Variants in GSN observed in about 807,000 individuals in gnomAD.
GSN encodes the protein gelsolin.
GSN carries 56 observed loss-of-function variants against 85.7 expected under a neutral mutation model. The observed-to-expected ratio is 0.65, with a 90% CI of 0.53 to 0.82. The LOEUF is 0.82. Among genes scored for constraint, GSN ranks in the 40% least tolerant of loss-of-function variants. GSN has a pLI of 0.00. For missense variants in GSN, 857 were observed against 979.8 expected, an observed-to-expected ratio of 0.87 and a Z score of 1.67; for synonymous variants, 373 against 399.1, an observed-to-expected ratio of 0.93 and a Z score of 0.78.
chr9:121,231,440 G>T (rs1453163800), intron 5 of GSN: 2 of 152,164 alleles, frequency 1.3e-5, no homozygotes, highest in African/African-American at 4.8e-5. Flanking sequence ...CTGGGTGAAG[G>T]TAGCGGAGAC....
chr9:121,252,098 T>C (rs2054851101), intron 6 of GSN, among the ~76,000 whole-genome samples: 1 of 152,156 alleles, frequency 6.6e-6, no homozygotes, highest in Non-Finnish European at 1.5e-5. Flanking sequence ...AGGAAGTCAG[T>C]CCCATAGAAC....
At position 121,327,446 on chromosome 9, in the gene GSN, G is replaced by A. The variant is rs1337468572; in HGVS notation, c.1726G>A (p.Ala576Thr). ...GAQELLRVLR[A>T]QPVQVAEGSE... Reference sequence around the variant, plus strand: ...CCAGGAGCTGCTCAGGGTGCTGCGGGCCCAACCTGTGCAGGTGGCAGAAGG... The same window carrying A: ...CCAGGAGCTGCTCAGGGTGCTGCGGACCCAACCTGTGCAGGTGGCAGAAGG... The change falls in exon 14 of 18, where the codon GCC becomes ACC. Residue 576 changes from alanine to threonine, a missense_variant. Transcript: ENST00000432226. 1.0e-5 allele frequency: 16 copies of A among 1,598,008 alleles called. No individual in the cohort carries two copies. The highest frequency in any genetic ancestry group is 1.4e-5 in the Non-Finnish European group (16 of 1,171,822).
intron 6 of GSN, among the ~76,000 whole-genome samples, chr9:121,250,766 C>T (rs1019324972): frequency 1.3e-5 from 2 of 150,880 alleles, no homozygotes; most frequent in Non-Finnish European, 3.0e-5. Flanking sequence ...CTCGAACTCC[C>T]GACCTCATGA....
At position 121,302,099 on chromosome 9, in the gene GSN, C is replaced by T. The variant is rs1472775852; in HGVS notation, c.128C>T (p.Ala43Val). Reference sequence around the variant, plus strand: ...TATGGAGACTTCTTCACGGGCGACGCCTACGTCATCCTGAAGACAGTGCAG... The same window carrying T: ...TATGGAGACTTCTTCACGGGCGACGTCTACGTCATCCTGAAGACAGTGCAG... ...NLYGDFFTGDAYVILKTVQLR... is the reference protein window; with the variant it reads ...NLYGDFFTGDVYVILKTVQLR... The change falls in exon 3 of 18, where the codon GCC (alanine) becomes GTC (valine). Residue 43 changes from alanine (A) to valine (V), a missense_variant. Ala to Val is a moderately conservative substitution (Grantham distance 64). Coordinates refer to ENST00000432226, the MANE Select transcript of GSN (RefSeq NM_198252.3). The T allele has an allele frequency of 6.2e-7, 1 of 1,614,206 alleles. No individual in the cohort carries two copies. Among genetic ancestry groups the T allele is most frequent in the Non-Finnish European group, 8.5e-7 (1 of 1,179,986 alleles).
At chr9:121,217,565 C>T (rs1242740159) in intron 4 of GSN, among the ~76,000 whole-genome samples, 1 of 151,682 alleles carries the variant, frequency 6.6e-6, no homozygotes, top group Non-Finnish European at 1.5e-5. Flanking sequence ...ATCTCCTTTT[C>T]TTATAAAGAT....
At chr9:121,328,853 T>C (rs1373782754) in intron 14 of GSN, 38 bp from the exon 15 acceptor site, 9 of 1,605,624 alleles carry the variant, frequency 5.6e-6, no homozygotes, top group Non-Finnish European at 7.6e-6. Flanking sequence ...AGAGGGGTGA[T>C]GGCGTCCCTT....
At position 121,313,956 on chromosome 9, in the gene GSN, T is replaced by C; in HGVS notation, c.686T>C (p.Leu229Pro). The C allele has an allele frequency of 6.2e-7, 1 of 1,614,180 alleles. No individual in the cohort carries two copies. The highest frequency in any genetic ancestry group is 8.5e-7 in the Non-Finnish European group (1 of 1,179,978). ...MLQVLGPKPA[L>P]PAGTEDTAKE... is the part of the protein sequence containing the mutation. ...CAGGTGCTGGGCCCCAAGCCGGCTC[T>C]GCCTGCAGGTACCGAGGACACCGCC... The change falls in exon 7 of 18, where the codon CTG becomes CCG. Residue 229 changes from leucine (L) to proline (P), a missense_variant. Physicochemically the swap from Leu to Pro is moderately conservative, Grantham distance 98. Coordinates refer to ENST00000432226, the MANE Select transcript of GSN (RefSeq NM_198252.3).
chr9:121,257,912 C>T (rs182937744), intron 6 of GSN, among the ~76,000 whole-genome samples: 95 of 152,170 alleles, frequency 6.2e-4, no homozygotes, highest in Non-Finnish European at 1.0e-3. Context: ...AAGCCAGAGG[C>T]TCAGGAGGTT....
At position 121,299,411 on chromosome 9, in the gene GSN, C is replaced by T. The variant is rs1009158961; in HGVS notation, c.-9-2552C>T. 2.0e-6 allele frequency: 2 copies of T among 978,398 alleles called. No homozygotes were observed. Among genetic ancestry groups the T allele is most frequent in the Non-Finnish European group, 2.4e-6 (2 of 823,608 alleles). The allele number at this position is 978,398 out of a possible 1,614,324, so 60.6% of individuals were successfully genotyped here. ...TGCTTCACCACTCTGCGCTGTTCCC[C>T]CCTCTGTAAAATGGGTTGGCCGTTG... On this transcript the variant is annotated intron_variant, in intron 2 of 17. Coordinates refer to ENST00000432226, the MANE Select transcript of GSN (RefSeq NM_198252.3). The surrounding 1 kb of genome is among the most constrained non-coding windows in gnomAD (Gnocchi z 4.2).
upstream of GSN, among the ~76,000 whole-genome samples, chr9:121,263,440 G>A (rs957400202): frequency 4.6e-5 from 7 of 152,170 alleles, no homozygotes; most frequent in African/African-American, 1.4e-4. Flanking sequence ...CTGAGACTGG[G>A]TAATTTATGA....
At chr9:121,324,744 TC>T in intron 12 of GSN, 100 bp downstream of exon 12, 1 of 703,444 alleles carries the variant, frequency 1.4e-6, no homozygotes, top group Admixed American at 2.0e-5. Context: ...TGTCCATCTG[TC>T]TGTCTGTCCA....
intron 13 of GSN, 96 bp from the exon 14 acceptor site, chr9:121,327,212 C>A: frequency 9.9e-7 from 1 of 1,010,062 alleles, no homozygotes; most frequent in Non-Finnish European, 1.6e-6. Context: ...AAGTCCCCAC[C>A]TGAGAGCTAG....
intron 4 of GSN, among the ~76,000 whole-genome samples, chr9:121,221,609 G>C (rs1167793571): frequency 1.3e-5 from 2 of 152,220 alleles, no homozygotes; most frequent in Non-Finnish European, 2.9e-5. Context: ...CAGGGTTCGA[G>C]TGCTAGAGTG....
At chr9:121,253,341 A>G (rs967900797) in intron 6 of GSN, among the ~76,000 whole-genome samples, 1 of 152,202 alleles carries the variant, frequency 6.6e-6, no homozygotes, top group Non-Finnish European at 1.5e-5. Context: ...TGTTTGTAAC[A>G]GTGGTGCCAT....
At chr9:121,316,589 G>A (rs1029121414) in intron 7 of GSN, among the ~76,000 whole-genome samples, 2 of 152,006 alleles carry the variant, frequency 1.3e-5, no homozygotes, top group African/African-American at 4.8e-5. Flanking sequence ...TCCCACTTCA[G>A]CCTCCCAAGT....
rs192775840 is a variant in GSN, at chr9:121,236,351, C to G, written c.-389+5048C>G. Among the ~76,000 whole-genome samples, 19 of 152,194 alleles carry G rather than the reference C, an allele frequency of 1.2e-4. No homozygotes were observed. The East Asian group carries it at 3.7e-3, about 29-fold the overall frequency. On this transcript the variant is annotated intron_variant, in intron 5 of 24. Coordinates refer to the GSN transcript ENST00000373823. The stretch of plus-strand genomic sequence containing the variant: ...TCTCCTGCCTCAGCCTCCCAAGTAG[C>G]TGGGACTACTGATACACGCTACCAC...
At chr9:121,265,351 G>A (rs2055175421), upstream of GSN, 1 of 152,226 alleles carries the variant, frequency 6.6e-6, no homozygotes, top group Non-Finnish European at 1.5e-5. Context: ...GGCTTTCTCT[G>A]TGAATACGAT....
At chr9:121,212,187 C>A (rs2053980980) in intron 4 of GSN, among the ~76,000 whole-genome samples, 1 of 152,198 alleles carries the variant, frequency 6.6e-6, no homozygotes, top group African/African-American at 2.4e-5. Flanking sequence ...GATATCCCAG[C>A]AGCTATACAA....
chr9:121,294,346 G>A (rs1247113424), intron 2 of GSN, among the ~76,000 whole-genome samples: 3 of 152,170 alleles, frequency 2.0e-5, no homozygotes, highest in African/African-American at 7.2e-5. Flanking sequence ...CCTGGCTACT[G>A]ACCCACCACA....
Sources: gnomAD v4.1 joint callset for allele counts (sites outside exome capture counted in the v4.1 genomes callset) on GRCh38, gnomAD v4.1.1 for gene constraint, Gnocchi (gnomAD v3.1) non-coding constraint, MANE v1.5 for transcripts, NCBI Gene and HGNC (gene_info 2026-07-23, HGNC 2026-07-21) for gene names.